KCNMA1: variants seen among roughly 807,000 people sequenced by gnomAD.
KCNMA1 encodes potassium calcium-activated channel subfamily M alpha 1, also known as Calcium-activated potassium channel subunit alpha-1.
Under a neutral mutation model 140.0 loss-of-function variants are expected in KCNMA1, and 29 were observed. The ratio of observed to expected loss-of-function variants is 0.21; its 90% CI spans 0.15 to 0.28. The LOEUF (loss-of-function observed/expected upper bound fraction) is 0.28. Ranked by LOEUF, KCNMA1 falls within the 10% of genes least tolerant of loss-of-function variation. KCNMA1 has a pLI of 1.00. For synonymous variants in KCNMA1, 612 were observed against 611.9 expected, an observed-to-expected ratio of 1.00 and a Z score of 0.00; for missense variants, 880 against 1,602.2, an observed-to-expected ratio of 0.55 and a Z score of 7.70.
At chr10:77,339,497 T>C (rs996514550) in intron 2 of KCNMA1, among the ~76,000 whole-genome samples, 1 of 152,130 alleles carries the variant, frequency 6.6e-6, no homozygotes, top group Admixed American at 6.5e-5. Flanking sequence ...AGCAACACCA[T>C]GGGGAAGCAG....
chr10:77,489,304 C>T (rs1330815759), intron 1 of KCNMA1, among the ~76,000 whole-genome samples: 4 of 151,880 alleles, frequency 2.6e-5, no homozygotes, highest in Admixed American at 2.6e-4. Context: ...ACTGGACAAC[C>T]TTATTTTCTT....
chr10:77,155,080 G>T (rs1454932974), intron 5 of KCNMA1, among the ~76,000 whole-genome samples: 1 of 152,170 alleles, frequency 6.6e-6, no homozygotes, highest in African/African-American at 2.4e-5. Flanking sequence ...TGCAGGAGAA[G>T]GCAGAAGCTC....
At chr10:76,951,208 T>C (rs2066140900) in intron 21 of KCNMA1, among the ~76,000 whole-genome samples, 1 of 152,086 alleles carries the variant, frequency 6.6e-6, no homozygotes, top group Non-Finnish European at 1.5e-5. Context: ...CGATCTGGGA[T>C]CAAAACACCC....
intron 2 of KCNMA1, among the ~76,000 whole-genome samples, chr10:77,389,908 G>A (rs183178232): frequency 1.5e-4 from 23 of 152,330 alleles, no homozygotes; most frequent in African/African-American, 5.1e-4. Flanking sequence ...TACTTCAAAT[G>A]GAGGCAAAAC....
chr10:76,962,056 A>G (rs1187829160), intron 20 of KCNMA1, among the ~76,000 whole-genome samples: 1 of 152,226 alleles, frequency 6.6e-6, no homozygotes, highest in African/African-American at 2.4e-5. Context: ...CTGCTACAAC[A>G]GGAACAGAAA....
intron 7 of KCNMA1, among the ~76,000 whole-genome samples, 175 bp downstream of exon 7, chr10:77,112,192 C>A (rs1404464471): frequency 6.6e-6 from 1 of 152,198 alleles, no homozygotes; most frequent in Non-Finnish European, 1.5e-5. Flanking sequence ...CCATTTGGAA[C>A]TAGTTTGGGG....
chr10:77,631,254 G>A (rs1290752107), intron 1 of KCNMA1, among the ~76,000 whole-genome samples: 1 of 152,138 alleles, frequency 6.6e-6, no homozygotes, highest in Non-Finnish European at 1.5e-5. Context: ...GAGGGTCCCT[G>A]GGTTTCCTTT....
At chr10:77,063,049 T>C (rs1810913811) in intron 14 of KCNMA1, among the ~76,000 whole-genome samples, 1 of 152,206 alleles carries the variant, frequency 6.6e-6, no homozygotes, top group African/African-American at 2.4e-5. Context: ...ATTAGGTTCT[T>C]TGCATTTGGC....
At chr10:76,947,504 T>C (rs998540444) in intron 22 of KCNMA1, among the ~76,000 whole-genome samples, 9 of 152,048 alleles carry the variant, frequency 5.9e-5, no homozygotes, top group African/African-American at 2.2e-4. Flanking sequence ...TAATAAACCC[T>C]TTACAAAGAC....
chr10:77,259,926 A>C (rs999125360), intron 2 of KCNMA1, among the ~76,000 whole-genome samples: 1 of 152,246 alleles, frequency 6.6e-6, no homozygotes, highest in Non-Finnish European at 1.5e-5. Flanking sequence ...AAAGTGTCTC[A>C]ATCAGTATTT....
chr10:77,204,398 C>T (rs1383986377), intron 3 of KCNMA1, among the ~76,000 whole-genome samples: 5 of 152,054 alleles, frequency 3.3e-5, no homozygotes, highest in East Asian at 1.9e-4. Context: ...AGAGTCTCCC[C>T]GAGGGCATTC....
At chr10:77,085,012 A>G (rs182837035) in intron 11 of KCNMA1, among the ~76,000 whole-genome samples, 22 of 152,254 alleles carry the variant, frequency 1.4e-4, no homozygotes, top group East Asian at 1.2e-3. Flanking sequence ...TTAAATAACA[A>G]TTAATTAAGC....
chr10:77,244,478 A>C (rs1565457790), intron 3 of KCNMA1, among the ~76,000 whole-genome samples: 1 of 152,210 alleles, frequency 6.6e-6, no homozygotes, highest in Non-Finnish European at 1.5e-5. Context: ...AATGACAAAT[A>C]AGCAAGGAAG....
intron 21 of KCNMA1, 101 bp downstream of exon 21, chr10:76,953,700 G>C (rs544741334): frequency 7.4e-7 from 1 of 1,360,534 alleles, no homozygotes; most frequent in East Asian, 2.3e-5. Flanking sequence ...ATTAGGACCA[G>C]GGACAGTATT....
intron 2 of KCNMA1, among the ~76,000 whole-genome samples, chr10:77,254,224 C>CCTT (rs371963036): frequency 7.1e-6 from 1 of 140,458 alleles, no homozygotes; most frequent in African/African-American, 2.6e-5. Context: ...GAAATATACT[C>CCTT]TTTTTTTTTT....
At chr10:77,542,492 C>T (rs542513285) in intron 1 of KCNMA1, among the ~76,000 whole-genome samples, 13 of 152,204 alleles carry the variant, frequency 8.5e-5, no homozygotes, top group African/African-American at 2.9e-4. Context: ...TGTTAGAACG[C>T]CTTGGAAGTT....
intron 5 of KCNMA1, among the ~76,000 whole-genome samples, chr10:77,142,272 G>A (rs976786455): frequency 9.9e-5 from 15 of 151,962 alleles, no homozygotes; most frequent in South Asian, 4.2e-4. Context: ...TCAGGAGGCT[G>A]AGGCAGGAGA....
At chr10:77,504,810 C>T (rs935061242) in intron 1 of KCNMA1, among the ~76,000 whole-genome samples, 3 of 152,146 alleles carry the variant, frequency 2.0e-5, no homozygotes, top group African/African-American at 7.2e-5. Flanking sequence ...AATATGTATG[C>T]ATATTTTATT....
intron 1 of KCNMA1, among the ~76,000 whole-genome samples, chr10:77,592,449 A>C (rs1032838299): frequency 6.6e-6 from 1 of 152,238 alleles, no homozygotes. Flanking sequence ...GTTCTTTTCT[A>C]TAGTGATGTA....
Sources: allele counts gnomAD v4.1 joint callset (sites outside exome capture counted in the v4.1 genomes callset), GRCh38; gene constraint gnomAD v4.1.1; transcripts MANE v1.5; gene names NCBI Gene and HGNC (gene_info 2026-07-23, HGNC 2026-07-21).